FABP6: variants seen among roughly 807,000 people sequenced by gnomAD.
FABP6 encodes fatty acid binding protein 6, also known as gastrotropin.
Under a neutral mutation model 14.9 loss-of-function variants are expected in FABP6, and 13 were observed. The ratio of observed to expected loss-of-function variants is 0.87; its 90% CI spans 0.57 to 1.39. The LOEUF is 1.39. Ranked by LOEUF, FABP6 falls within the 40% of genes most tolerant of loss-of-function variation. FABP6 has a pLI of 0.00. For synonymous variants in FABP6, 75 were observed against 63.6 expected (o/e 1.18, Z -0.85); for missense variants, 161 against 167.2 (o/e 0.96, Z 0.20).
intron 3 of FABP6, among the ~76,000 whole-genome samples, chr5:160,235,600 C>A (rs138080384): frequency 2.0e-5 from 3 of 152,310 alleles, no homozygotes; most frequent in African/African-American, 7.2e-5. Context: ...GAAAAGAAGG[C>A]ATTTCCATAC....
upstream of FABP6, chr5:160,229,406 G>A: frequency 2.0e-6 from 3 of 1,488,244 alleles, no homozygotes; most frequent in Non-Finnish European, 2.7e-6. Context: ...AACAGCAAGT[G>A]CTTCCTCTTC....
At chr5:160,224,457 A>G (rs1024327969) in intron 3 of FABP6, among the ~76,000 whole-genome samples, 24 of 152,074 alleles carry the variant, frequency 1.6e-4, no homozygotes, top group African/African-American at 5.8e-4. Flanking sequence ...TAATAAGCTG[A>G]AAATGTCTTC....
chr5:160,220,791 C>T (rs1436095213), intron 3 of FABP6, among the ~76,000 whole-genome samples: 1 of 151,712 alleles, frequency 6.6e-6, no homozygotes. Context: ...GTGTCTCCTA[C>T]AAGATTTGAG....
At chr5:160,213,688 C>T (rs756803209) in intron 2 of FABP6, 2 of 1,525,532 alleles carry the variant, frequency 1.3e-6, no homozygotes, top group South Asian at 1.1e-5. Flanking sequence ...CCAGAGATGC[C>T]CACTTGACTC....
Position 160,221,135 on chromosome 5 carries a change from G to T in FABP6, c.135+7316G>T, listed in dbSNP as rs534685023. ...ACTTGAGACTTGAGGACAGGTACTT[G>T]GTATTTCCAGAACCCAGTGAACTAG... On this transcript the variant is annotated intron_variant, in intron 3 of 6. Transcript: ENST00000393980. 4.0e-5 allele frequency among the ~76,000 whole-genome samples: 6 copies of T among 150,842 alleles called. No homozygotes were observed. In the East Asian group the frequency reaches 1.2e-3, roughly 30 times the overall value.
At chr5:160,204,166 G>C (rs940229566) in intron 2 of FABP6, among the ~76,000 whole-genome samples, 1 of 150,400 alleles carries the variant, frequency 6.6e-6, no homozygotes, top group African/African-American at 2.4e-5. Context: ...AATACCCACA[G>C]GGTTCTTGCT....
At chr5:160,204,490 C>CT (rs1156565919) in intron 2 of FABP6, among the ~76,000 whole-genome samples, 20 of 151,948 alleles carry the variant, frequency 1.3e-4, no homozygotes, top group Non-Finnish European at 2.4e-4. Flanking sequence ...TTTTCTTTTC[C>CT]TTTTTTAGGG....
intron 3 of FABP6, among the ~76,000 whole-genome samples, chr5:160,215,125 T>C (rs946278584): frequency 3.3e-5 from 5 of 152,240 alleles, no homozygotes; most frequent in African/African-American, 7.2e-5. Context: ...TATTGATGTA[T>C]ACAATTTTAT....
Position 160,232,218 on chromosome 5 carries a change from A to G in FABP6, c.188A>G (p.Lys63Arg), listed in dbSNP as rs1760403990. 1.9e-6 allele frequency: 3 copies of G among 1,613,068 alleles called. No homozygotes were observed. In the African/African-American group the frequency reaches 4.0e-5, roughly 22 times the overall value. The change falls in exon 2 of 4, where the codon AAG becomes AGG. Residue 63 changes from lysine to arginine, a missense_variant. Physicochemically the swap from Lys to Arg is conservative, Grantham distance 26. Transcript: ENST00000402432. Reference protein sequence around the residue: ...HYSGGHTMTNKFTVGKESNIQ... With the variant: ...HYSGGHTMTNRFTVGKESNIQ... ...TCCGGGGGCCACACCATGACCAACA[A>G]GTTCACTGTTGGCAAGGAAAGCAAC...
chr5:160,192,026 C>T (rs975722287), intron 1 of FABP6, among the ~76,000 whole-genome samples: 8 of 150,306 alleles, frequency 5.3e-5, no homozygotes, highest in African/African-American at 1.7e-4. Flanking sequence ...GCAGTTCTCC[C>T]GCCTTGACCT....
chr5:160,187,661 G>A (rs1318456694), intron 1 of FABP6, among the ~76,000 whole-genome samples: 2 of 152,124 alleles, frequency 1.3e-5, no homozygotes, highest in Non-Finnish European at 2.9e-5. Flanking sequence ...GCTTGAGCCT[G>A]TAGTGCTGAA....
chr5:160,191,621 T>G (rs1759395014), intron 1 of FABP6, among the ~76,000 whole-genome samples: 1 of 152,048 alleles, frequency 6.6e-6, no homozygotes, highest in Non-Finnish European at 1.5e-5. Context: ...TAAAAAAATT[T>G]TTTTAATTGA....
At chr5:160,233,993 C>T (rs563793792) in intron 2 of FABP6, among the ~76,000 whole-genome samples, 1 of 152,124 alleles carries the variant, frequency 6.6e-6, no homozygotes, top group Non-Finnish European at 1.5e-5. Context: ...CTATTTGCCT[C>T]TATCATTAGG....
intron 2 of FABP6, among the ~76,000 whole-genome samples, chr5:160,209,696 C>T (rs58974932): frequency 0.19 from 28,693 of 152,004 alleles, 2,827 homozygotes; most frequent in African/African-American, 0.24. Context: ...AATAAATCAT[C>T]GTCTTTTTTG....
intron 2 of FABP6, among the ~76,000 whole-genome samples, chr5:160,233,129 G>C (rs181969408): frequency 6.6e-6 from 1 of 151,296 alleles, no homozygotes; most frequent in East Asian, 2.0e-4. Flanking sequence ...TTACAGGCGT[G>C]CACCACCACA....
intron 3 of FABP6, among the ~76,000 whole-genome samples, chr5:160,220,676 A>T (rs1272814652): frequency 1.3e-5 from 2 of 151,912 alleles, no homozygotes; most frequent in Non-Finnish European, 2.9e-5. Flanking sequence ...CTTCCCTCAT[A>T]CTCAGGAAGT....
chr5:160,228,505 G>C (rs1276332767), upstream of FABP6: 1 of 456,184 alleles, frequency 2.2e-6, no homozygotes, highest in Non-Finnish European at 4.4e-6. Flanking sequence ...AGGCCGGAGT[G>C]ATCACGGAGG....
At chr5:160,213,766 T>C (rs762334258) in exon 3 of FABP6, 24 of 1,613,676 alleles carry the variant, frequency 1.5e-5, no homozygotes, top group Non-Finnish European at 1.9e-5. Flanking sequence ...TGCGTGCACA[T>C]GGGTGAGCCG....
At chr5:160,221,810 G>A (rs537315247) in intron 3 of FABP6, among the ~76,000 whole-genome samples, 5 of 152,164 alleles carry the variant, frequency 3.3e-5, no homozygotes, top group South Asian at 2.1e-4. Context: ...CAGTGTCTCC[G>A]AATTTCATTT....
Sources: allele counts gnomAD v4.1 joint callset (sites outside exome capture counted in the v4.1 genomes callset), GRCh38; gene constraint gnomAD v4.1.1; transcripts MANE v1.5; gene names NCBI Gene and HGNC (gene_info 2026-07-23, HGNC 2026-07-21).